RRM2: variants seen among roughly 807,000 people sequenced by gnomAD.
The protein encoded by RRM2 is ribonucleoside-diphosphate reductase subunit M2.
RRM2 carries 6 observed loss-of-function variants against 45.9 expected under a neutral mutation model. The ratio of observed to expected loss-of-function variants is 0.13; its 90% CI spans 0.07 to 0.26. RRM2 has a LOEUF of 0.26. RRM2 is among the 10% of genes least tolerant of loss of function. The pLI, the probability that RRM2 is intolerant of heterozygous loss-of-function variation, is 1.00. For missense variants in RRM2, 343 were observed against 489.5 expected, an observed-to-expected ratio of 0.70 and a Z score of 2.82; for synonymous variants, 177 against 173.0, an observed-to-expected ratio of 1.02 and a Z score of -0.18.
intron 3 of RRM2, among the ~76,000 whole-genome samples, chr2:10,170,372 C>T (rs1401602792): frequency 2.6e-5 from 4 of 152,144 alleles, no homozygotes; most frequent in Non-Finnish European, 5.9e-5. Context: ...TTGGCCAGGT[C>T]ACTTTGATCT....
intron 1 of RRM2, chr2:10,141,762 A>G (rs1028632993): frequency 8.4e-5 from 120 of 1,422,124 alleles, no homozygotes; most frequent in Non-Finnish European, 1.1e-4. Context: ...ACAGAGCCCC[A>G]GGAGGTGGCC....
chr2:10,191,251 T>C (rs1304449909), intron 3 of RRM2, among the ~76,000 whole-genome samples: 2 of 152,220 alleles, frequency 1.3e-5, no homozygotes, highest in Non-Finnish European at 2.9e-5. Context: ...AGAGAGACTC[T>C]TGGGGCAGCG....
chr2:10,124,963 T>C, intron 5 of RRM2, 113 bp downstream of exon 5: 3 of 990,348 alleles, frequency 3.0e-6, no homozygotes, highest in South Asian at 3.3e-5. Flanking sequence ...AAGACAGTCA[T>C]AGGCATTCCC....
chr2:10,138,038 A>G (rs1294226225), upstream of RRM2, among the ~76,000 whole-genome samples: 1 of 149,244 alleles, frequency 6.7e-6, no homozygotes, highest in African/African-American at 2.5e-5. Flanking sequence ...TCTTGCTGCG[A>G]CCCCCAGGCT....
chr2:10,200,404 G>GCA (rs1291460445), intron 3 of RRM2, among the ~76,000 whole-genome samples: 4 of 129,844 alleles, frequency 3.1e-5, no homozygotes, highest in South Asian at 2.6e-4. Context: ...GGGACTGCGC[G>GCA]CACAAAATAT....
At chr2:10,153,707 A>C (rs372564749) in intron 3 of RRM2, among the ~76,000 whole-genome samples, 3 of 152,316 alleles carry the variant, frequency 2.0e-5, no homozygotes, top group African/African-American at 7.2e-5. Context: ...GCCTACCTTT[A>C]ATCCAAAAAT....
At chr2:10,189,920 G>T (rs1442546960) in intron 3 of RRM2, among the ~76,000 whole-genome samples, 4 of 152,254 alleles carry the variant, frequency 2.6e-5, no homozygotes, top group African/African-American at 4.8e-5. Flanking sequence ...TCTTCAAGTG[G>T]TGAATGGAGA....
chr2:10,209,061 T>TTTCTTTCTTTCTTTCTTTCTTTCTTTC (rs1558409781), intron 3 of RRM2, among the ~76,000 whole-genome samples: 1 of 80,076 alleles, frequency 1.2e-5, no homozygotes, highest in Admixed American at 1.5e-4. Context: ...TTCTTTCTTT[T>TTTCTTTCTTTCTTTCTTTCTTTCTTTC]TTTTTTTTTT....
intron 3 of RRM2, among the ~76,000 whole-genome samples, chr2:10,184,010 G>A (rs1172767364): frequency 5.0e-5 from 7 of 138,912 alleles, no homozygotes; most frequent in African/African-American, 1.0e-4. Context: ...GGAGAATGGC[G>A]TGAACCCAGG....
chr2:10,142,189 C>T (rs1663097839), intron 2 of RRM2: 1 of 1,567,282 alleles, frequency 6.4e-7, no homozygotes, highest in Non-Finnish European at 8.7e-7. Context: ...GGGGCTGGGT[C>T]AGTGGAGTGG....
chr2:10,177,534 A>G (rs1174816729), intron 3 of RRM2, among the ~76,000 whole-genome samples: 8 of 152,092 alleles, frequency 5.3e-5, no homozygotes, highest in Admixed American at 3.3e-4. Flanking sequence ...AGATCTCCCT[A>G]GCTTCCTTTG....
At chr2:10,152,037 C>T (rs1663321081) in intron 3 of RRM2, among the ~76,000 whole-genome samples, 1 of 151,904 alleles carries the variant, frequency 6.6e-6, no homozygotes, top group Non-Finnish European at 1.5e-5. Flanking sequence ...CAAGCTCCGC[C>T]TCCCAGGTTC....
chr2:10,146,784 C>CGA, intron 3 of RRM2, among the ~76,000 whole-genome samples: 1 of 152,188 alleles, frequency 6.6e-6, no homozygotes, highest in Non-Finnish European at 1.5e-5. Context: ...CCCAGCCTTG[C>CGA]CCCCGTTTTG....
chr2:10,200,452 C>T (rs2125332884), intron 3 of RRM2, among the ~76,000 whole-genome samples: 1 of 135,644 alleles, frequency 7.4e-6, no homozygotes. Context: ...ATATGAGGCC[C>T]ACAGGGACCG....
At chr2:10,133,299 C>G (rs1306414838), downstream of RRM2, among the ~76,000 whole-genome samples, 1 of 152,204 alleles carries the variant, frequency 6.6e-6, no homozygotes, top group Non-Finnish European at 1.5e-5. Context: ...CATTCGGGGC[C>G]CTGCCCAGCT....
chr2:10,202,780 A>ATT (rs1472552421), intron 3 of RRM2, among the ~76,000 whole-genome samples: 2 of 152,202 alleles, frequency 1.3e-5, no homozygotes, highest in Non-Finnish European at 2.9e-5. Context: ...GAGGAACTTA[A>ATT]AATGGCAGTG....
At chr2:10,174,328 C>T (rs1024443273) in intron 3 of RRM2, among the ~76,000 whole-genome samples, 1 of 152,120 alleles carries the variant, frequency 6.6e-6, no homozygotes, top group African/African-American at 2.4e-5. Context: ...TGAGGAGCTC[C>T]TCAGTGGCAG....
Position 10,123,056 on chromosome 2 carries a change from C to A in RRM2, c.173C>A (p.Pro58Gln), listed in dbSNP as rs867310173. The stretch of plus-strand genomic sequence containing the variant: ...AGGATCTTCCAGGAGCCCACGGAGC[C>A]GGTGAGTGGCGGGCGTGGGGCAGAG... Reference protein sequence around the residue: ...ARRIFQEPTEPKTKAAAPGVE... With the variant: ...ARRIFQEPTEQKTKAAAPGVE... Residue 58 changes from proline (P) to glutamine (Q), a missense_variant and splice_region_variant, in exon 2 of 10, where the codon CCG (proline) becomes CAG (glutamine). By Grantham distance (76) the Pro-to-Gln change is moderately conservative. Coordinates refer to ENST00000304567, the MANE Select transcript of RRM2 (RefSeq NM_001034.4). The A allele has an allele frequency of 1.9e-6, 3 of 1,553,868 alleles. No homozygotes were observed. In the Admixed American group the frequency reaches 5.6e-5, roughly 29 times the overall value.
Position 10,129,432 on chromosome 2 carries a change from C to T in RRM2, c.*46C>T. 6.4e-7 allele frequency: 1 copy of T among 1,565,020 alleles called. No individual in the cohort carries two copies. The highest frequency in any genetic ancestry group is 8.6e-7 in the Non-Finnish European group (1 of 1,159,108). On this transcript the variant is annotated 3_prime_UTR_variant, in exon 10 of 10. Coordinates refer to ENST00000304567, the MANE Select transcript of RRM2 (RefSeq NM_001034.4). This position sits in a 1 kb window ranked among gnomAD's most constrained non-coding sequence, Gnocchi z 4.8. ...TACTTGGCTGATTTTTTTTTTCCAT[C>T]TCATAAGAAAAATCAGCTGAAGTGT... is the stretch of plus-strand genomic sequence containing the variant.
Sources: allele counts gnomAD v4.1 joint callset (sites outside exome capture counted in the v4.1 genomes callset), GRCh38; gene constraint gnomAD v4.1.1; non-coding constraint Gnocchi (gnomAD v3.1); transcripts MANE v1.5; gene names NCBI Gene and HGNC (gene_info 2026-07-23, HGNC 2026-07-21).